The following ZNF528 variants were observed in gnomAD, a reference collection of about 807,000 sequenced individuals.
ZNF528 encodes the protein zinc finger protein 528.
Under a neutral mutation model 13.3 loss-of-function variants are expected in ZNF528, and 9 were observed. The ratio of observed to expected loss-of-function variants is 0.67; its 90% CI spans 0.41 to 1.18. The LOEUF is 1.18. Ranked by LOEUF, ZNF528 falls within the 50% of genes most tolerant of loss-of-function variation. ZNF528 has a pLI of 0.01. For synonymous variants in ZNF528, 264 were observed against 254.3 expected (o/e 1.04, Z -0.36); for missense variants, 858 against 745.4 (o/e 1.15, Z -1.76).
At chr19:52,401,363 T>C (rs2058791834) in intron 2 of ZNF528, among the ~76,000 whole-genome samples, 2 of 152,196 alleles carry the variant, frequency 1.3e-5, no homozygotes, top group Non-Finnish European at 1.5e-5. Flanking sequence ...TGAGATACTA[T>C]TTGTGTTTTA....
rs115352873 is a variant in ZNF528, at chr19:52,414,631, G to C, written c.272-493G>C. 888 of 406,232 alleles carry C rather than the reference G, an allele frequency of 2.2e-3. 12 individuals are homozygous for C. The highest frequency in any genetic ancestry group is 0.017 in the African/African-American group (846 of 49,010). The allele number at this position is 406,232 out of a possible 1,614,324, so 25.2% of individuals were successfully genotyped here. On this transcript the variant is annotated intron_variant, in intron 6 of 6. Coordinates refer to ENST00000360465, the MANE Select transcript of ZNF528 (RefSeq NM_032423.3). ...ACCTTCTGGTGTCAGGCGCAGTCGT[G>C]AGTTTGCCCACATCCTGCATTCATG...
Position 52,415,775 on chromosome 19 carries a change from A to T in ZNF528, c.923A>T (p.Gln308Leu). 1 of 1,614,020 alleles carries T rather than the reference A, an allele frequency of 6.2e-7. No homozygotes were observed. Among genetic ancestry groups the T allele is most frequent in the East Asian group, 2.2e-5 (1 of 44,808 alleles). ...KCHECDKVFN[Q>L]IAHLVRHQKI... ...CATGAATGTGACAAGGTCTTCAATC[A>T]AATTGCACACCTTGTACGACATCAA... Residue 308 changes from glutamine to leucine, a missense_variant, in exon 7 of 7, where the codon CAA (glutamine) becomes CTA (leucine). Physicochemically the swap from Gln to Leu is moderately radical, Grantham distance 113 (BLOSUM62 -2). Transcript: ENST00000360465.
rs2058994846 is a variant in ZNF528 at position 52,415,826 on chromosome 19, A to G, written c.974A>G (p.Tyr325Cys). 6.2e-7 allele frequency: 1 copy of G among 1,614,008 alleles called. No homozygotes were observed. ...AAAATTCATACTGGAGAGAAACCTT[A>G]CAGTTGTAATAAATGTGGCAAGGTC... ...HQKIHTGEKP[Y>C]SCNKCGKVFS... The change falls in exon 7 of 7, where the codon TAC becomes TGC. Residue 325 changes from tyrosine (Y) to cysteine (C), a missense_variant. By Grantham distance (194) the Tyr-to-Cys change is radical. Transcript: ENST00000360465.
chr19:52,410,997 G>A (rs1309067989), intron 6 of ZNF528, among the ~76,000 whole-genome samples: 3 of 152,116 alleles, frequency 2.0e-5, no homozygotes, highest in South Asian at 2.1e-4. Flanking sequence ...TATTTCCTAC[G>A]TAATGGTATG....
intron 2 of ZNF528, among the ~76,000 whole-genome samples, chr19:52,400,227 A>AACACACACACACACACACACAC (rs56136198): frequency 4.8e-5 from 7 of 144,610 alleles, no homozygotes; most frequent in African/African-American, 7.7e-5. Flanking sequence ...TGCCCATTAA[A>AACACACACACACACACACACAC]ACACACACAC....
chr19:52,414,119 C>T, intron 6 of ZNF528: 2 of 682,608 alleles, frequency 2.9e-6, no homozygotes, highest in South Asian at 3.1e-5. Flanking sequence ...CCTCATATCG[C>T]TCCCAGTACC....
At chr19:52,408,062 A>C (rs1222215286) in intron 6 of ZNF528, among the ~76,000 whole-genome samples, 2 of 152,092 alleles carry the variant, frequency 1.3e-5, no homozygotes, top group African/African-American at 2.4e-5. Flanking sequence ...GATTAGGTAC[A>C]CAAAGCTCTG....
intron 6 of ZNF528, chr19:52,413,901 T>A: frequency 3.5e-6 from 1 of 282,638 alleles, no homozygotes; most frequent in Non-Finnish European, 6.8e-6. Context: ...GTCCCAATTT[T>A]CCACATCAAG....
At position 52,415,381 on chromosome 19, in the gene ZNF528, C is replaced by T. The variant is rs748261663; in HGVS notation, c.529C>T (p.Gln177Ter). The T allele has an allele frequency of 6.2e-7, 1 of 1,613,952 alleles. No homozygotes were observed. Among genetic ancestry groups the T allele is most frequent in the Non-Finnish European group, 8.5e-7 (1 of 1,179,998 alleles). The change falls in exon 7 of 7, where the codon CAG (glutamine) becomes TAG (stop). Residue 177 changes from glutamine to a stop codon, truncating the protein, a stop_gained. Transcript: ENST00000360465. LOFTEE classifies it low-confidence loss of function (END_TRUNC). ...TCATGCTCCATTACTTCCACAAGAA[C>T]AGAAAGCACACATTAGGGAAAAAGC... ...FDHAPLLPQE[Q>*]KAHIREKAYK...
rs1475879790 is a variant in ZNF528, at chr19:52,415,494, A to G, written c.642A>G (p.Lys214=). 2 of 1,614,226 alleles carry G rather than the reference A, an allele frequency of 1.2e-6. No homozygotes were observed. Among genetic ancestry groups the G allele is most frequent in the East Asian group, 2.2e-5 (1 of 44,880 alleles). ...QVIHNADNPY[K]CSECGKVFSC... is the part of the protein sequence containing the mutation. ...TCCATAACGCAGATAATCCTTACAA[A>G]TGCAGTGAATGTGGCAAGGTCTTTA... is the stretch of plus-strand genomic sequence containing the variant. Residue 214 remains lysine, a synonymous_variant, in exon 7 of 7, where the codon AAA becomes AAG. Transcript: ENST00000360465.
intron 2 of ZNF528, 34 bp from the exon 3 acceptor site, chr19:52,401,651 A>G (rs2058795123): frequency 8.2e-7 from 1 of 1,217,876 alleles, no homozygotes; most frequent in African/African-American, 1.6e-5. Context: ...TTATTACCAC[A>G]TGAAGAATTG....
rs369894858 is a variant in ZNF528, at chr19:52,416,527, C to T, written c.1675C>T (p.Arg559Ter). ...ATGTAGTAAATGTGGCAAAGCATTTCGAGGGTGTTCAGGCCTTACTGCCCA... is the reference window on the plus strand; with the variant it reads ...ATGTAGTAAATGTGGCAAAGCATTTTGAGGGTGTTCAGGCCTTACTGCCCA... ...YRCSKCGKAF[R>*]GCSGLTAHLA... The change falls in exon 7 of 7, where the codon CGA (arginine) becomes TGA (stop). Residue 559 changes from arginine to a stop codon, truncating the protein, a stop_gained. Transcript: ENST00000360465. LOFTEE classifies it low-confidence loss of function (END_TRUNC). 5.5e-5 allele frequency: 88 copies of T among 1,613,698 alleles called. No individual in the cohort carries two copies. The highest frequency in any genetic ancestry group is 1.1e-4 in the African/African-American group (8 of 74,782).
chr19:52,398,668 T>C (rs2058756464), intron 2 of ZNF528, 49 bp downstream of exon 2: 2 of 934,872 alleles, frequency 2.1e-6, no homozygotes, highest in African/African-American at 3.5e-5. Flanking sequence ...GCCGAGAAAA[T>C]AGCAGGGGAG....
At chr19:52,406,712 CA>C in intron 6 of ZNF528, 69 bp downstream of exon 6, 1 of 1,536,394 alleles carries the variant, frequency 6.5e-7, no homozygotes. Context: ...CTAACGCTGT[CA>C]TCCAGGCTAG....
At position 52,416,308 on chromosome 19, in the gene ZNF528, ATTCATACTG is replaced by A. The variant is rs779786906; in HGVS notation, c.1457_1465del (p.Ile486_Gly489delinsArg). On this transcript the variant is annotated inframe_deletion, in exon 7 of 7. Coordinates refer to ENST00000360465, the MANE Select transcript of ZNF528 (RefSeq NM_032423.3). ...GTCTTCTCTAACCAGTCATCATAGA[ATTCATACTG>A]GAGAGAAGCCTTACAAATGTAACAG... 5 of 1,614,050 alleles carry A rather than the reference ATTCATACTG, an allele frequency of 3.1e-6. No homozygotes were observed. The highest frequency in any genetic ancestry group is 4.2e-6 in the Non-Finnish European group (5 of 1,180,022).
intron 6 of ZNF528, chr19:52,413,210 A>C (rs2058953840): frequency 6.6e-6 from 1 of 152,182 alleles, no homozygotes; most frequent in African/African-American, 2.4e-5. Flanking sequence ...TGGGGGTGCC[A>C]TTTGATGTTC....
At position 52,415,156 on chromosome 19, in the gene ZNF528, A is replaced by G; in HGVS notation, c.304A>G (p.Asn102Asp). The G allele has an allele frequency of 6.2e-7, 1 of 1,610,696 alleles. No individual in the cohort carries two copies. The highest frequency in any genetic ancestry group is 8.5e-7 in the Non-Finnish European group (1 of 1,178,296). The change falls in exon 7 of 7, where the codon AAC becomes GAC. Residue 102 changes from asparagine to aspartate, a missense_variant. Physicochemically the swap from Asn to Asp is conservative, Grantham distance 23. Coordinates refer to ENST00000360465, the MANE Select transcript of ZNF528 (RefSeq NM_032423.3). ...CTCTAAATTGGGAAGTAATGCAGGA[A>G]ACAAGCCTTGTAAAAATCAACTTGG... ...RSSKLGSNAG[N>D]KPCKNQLGFT...
intron 6 of ZNF528, among the ~76,000 whole-genome samples, chr19:52,410,366 G>A (rs983685683): frequency 2.6e-5 from 4 of 152,162 alleles, no homozygotes; most frequent in Non-Finnish European, 1.5e-5. Flanking sequence ...TTGTCGGTCA[G>A]CGGCTTGATT....
chr19:52,414,259 A>G lies in ZNF528; in HGVS notation c.272-865A>G, dbSNP rs2058970096. 1.4e-5 allele frequency: 10 copies of G among 702,496 alleles called. No homozygotes were observed. The East Asian group carries it at 2.4e-4, about 17-fold the overall frequency. The allele number at this position is 702,496 out of a possible 1,614,324, so 43.5% of individuals were successfully genotyped here. On this transcript the variant is annotated intron_variant, in intron 6 of 6. Coordinates refer to ENST00000360465, the MANE Select transcript of ZNF528 (RefSeq NM_032423.3). ...CACGTCCTCAAAGTCCTATGTTCGG[A>G]GGCCACTTGTCCGACATCCTCGGAG...
Sources: gnomAD v4.1 joint callset for allele counts (sites outside exome capture counted in the v4.1 genomes callset) on GRCh38, gnomAD v4.1.1 for gene constraint, MANE v1.5 for transcripts, NCBI Gene and HGNC (gene_info 2026-07-23, HGNC 2026-07-21) for gene names.